The following CCDC192 variants were observed in gnomAD, a reference collection of about 807,000 sequenced individuals.
CCDC192 encodes coiled-coil domain containing 192.
chr5:127,821,092 G>T (rs1231173924), intron 5 of CCDC192, among the ~76,000 whole-genome samples: 2 of 152,114 alleles, frequency 1.3e-5, no homozygotes, highest in Non-Finnish European at 2.9e-5. Context: ...GTAACATTGA[G>T]TGATGACTAA....
At chr5:127,909,614 A>G (rs2127175146) in intron 6 of CCDC192, among the ~76,000 whole-genome samples, 1 of 152,208 alleles carries the variant, frequency 6.6e-6, no homozygotes, top group East Asian at 1.9e-4. Context: ...ATTCATTGTC[A>G]CATTGCTAGT....
intron 6 of CCDC192, among the ~76,000 whole-genome samples, chr5:127,890,005 A>G (rs1333098287): frequency 6.6e-6 from 1 of 152,024 alleles, no homozygotes; most frequent in African/African-American, 2.4e-5. Flanking sequence ...ACCTTGCCCA[A>G]TTCTGGTCTA....
chr5:127,719,294 A>T (rs929029136), intron 2 of CCDC192, among the ~76,000 whole-genome samples: 6 of 151,590 alleles, frequency 4.0e-5, no homozygotes, highest in South Asian at 2.1e-4. Flanking sequence ...TTTTCTATTC[A>T]TCCGTTGATG....
chr5:127,736,257 C>T (rs1305728215), intron 2 of CCDC192, among the ~76,000 whole-genome samples: 1 of 131,916 alleles, frequency 7.6e-6, no homozygotes, highest in Non-Finnish European at 1.6e-5. Flanking sequence ...ATTGAACCAG[C>T]CTTGCATCCC....
chr5:127,879,168 A>G (rs11505136), intron 6 of CCDC192, among the ~76,000 whole-genome samples: 1 of 152,068 alleles, frequency 6.6e-6, no homozygotes, highest in Non-Finnish European at 1.5e-5. Flanking sequence ...GAGGCATCAC[A>G]CTACCTGACT....
At chr5:127,736,965 C>A (rs1438406736) in intron 2 of CCDC192, among the ~76,000 whole-genome samples, 1 of 151,036 alleles carries the variant, frequency 6.6e-6, no homozygotes, top group East Asian at 1.9e-4. Context: ...TTCTTGCCTT[C>A]TGCTAGCTTT....
chr5:127,737,383 G>A (rs1190833513), intron 2 of CCDC192, among the ~76,000 whole-genome samples: 1 of 152,012 alleles, frequency 6.6e-6, no homozygotes, highest in Non-Finnish European at 1.5e-5. Context: ...ATGTGGTGTG[G>A]TGCTGAAAAA....
At chr5:127,912,561 C>T (rs928101474) in intron 6 of CCDC192, among the ~76,000 whole-genome samples, 1 of 152,034 alleles carries the variant, frequency 6.6e-6, no homozygotes, top group East Asian at 1.9e-4. Context: ...AGGAGAACAC[C>T]GAGCCTCTGT....
At chr5:127,736,835 T>C (rs529256853) in intron 2 of CCDC192, among the ~76,000 whole-genome samples, 2 of 150,468 alleles carry the variant, frequency 1.3e-5, no homozygotes, top group South Asian at 4.3e-4. Context: ...TCTTTATTAG[T>C]CTTGCTAGCG....
intron 5 of CCDC192, among the ~76,000 whole-genome samples, chr5:127,814,035 G>C (rs1395370568): frequency 6.6e-6 from 1 of 152,236 alleles, no homozygotes; most frequent in East Asian, 1.9e-4. Flanking sequence ...GTGGGTGCAG[G>C]GAGCCTTGGT....
At position 127,757,748 on chromosome 5, in the gene CCDC192, T is replaced by C. The variant is rs562961977; in HGVS notation, c.222+3373T>C. 4.0e-5 allele frequency among the ~76,000 whole-genome samples: 6 copies of C among 150,340 alleles called. No individual in the cohort carries two copies. The East Asian group carries it at 1.0e-3, about 26-fold the overall frequency. Reference sequence around the variant, plus strand: ...TAAGGGATTGCAGTAAGACTGTCTTTAGTGTTAAAGACAAGGATTACACAC... The same window carrying C: ...TAAGGGATTGCAGTAAGACTGTCTTCAGTGTTAAAGACAAGGATTACACAC... On this transcript the variant is annotated intron_variant, in intron 3 of 6. Transcript: ENST00000514853.
intron 5 of CCDC192, among the ~76,000 whole-genome samples, chr5:127,814,892 A>T (rs559575812): frequency 2.9e-4 from 44 of 152,324 alleles, no homozygotes; most frequent in Middle Eastern, 6.8e-3. Flanking sequence ...GTTGTTTTCA[A>T]CATCTTCAGT....
intron 5 of CCDC192, among the ~76,000 whole-genome samples, chr5:127,803,470 T>G (rs1166365510): frequency 1.3e-5 from 2 of 152,220 alleles, no homozygotes; most frequent in East Asian, 3.8e-4. Context: ...GAAATGAATG[T>G]TTATAATTAC....
intron 3 of CCDC192, among the ~76,000 whole-genome samples, chr5:127,755,284 T>C (rs1337606264): frequency 1.3e-5 from 2 of 152,212 alleles, no homozygotes; most frequent in East Asian, 1.9e-4. Flanking sequence ...CCCTGTATAG[T>C]GAAACCTAAT....
intron 3 of CCDC192, chr5:127,786,945 A>G: frequency 5.0e-6 from 2 of 398,594 alleles, no homozygotes; most frequent in South Asian, 2.5e-5. Flanking sequence ...GCTGTGCCAC[A>G]TGTACACCTG....
rs200907710 is a variant in CCDC192, at chr5:127,920,448, G to A, written c.536-20734G>A. The stretch of plus-strand genomic sequence containing the variant: ...TTTGAGATGGAGTTTTTGCTCTGTT[G>A]CCCAGGCTGGAGTGCAATGGTGCAA... On this transcript the variant is annotated intron_variant, in intron 6 of 6. Transcript: ENST00000514853. Among the ~76,000 whole-genome samples the A allele has an allele frequency of 4.0e-4, 50 of 123,634 alleles. 1 individual carries two copies. The East Asian group carries it at 0.011, about 27-fold the overall frequency. The allele number at this position is 123,634 out of a possible 152,430, so 81.1% of individuals were successfully genotyped here.
intron 6 of CCDC192, among the ~76,000 whole-genome samples, chr5:127,911,574 CAA>C (rs1753351755): frequency 6.6e-6 from 1 of 151,816 alleles, no homozygotes; most frequent in Non-Finnish European, 1.5e-5. Flanking sequence ...TATAGATATA[CAA>C]AGAGACAATT....
chr5:127,921,481 C>T (rs913395099), intron 6 of CCDC192, among the ~76,000 whole-genome samples: 41 of 152,254 alleles, frequency 2.7e-4, no homozygotes, highest in Non-Finnish European at 4.0e-4. Context: ...AGCTGTTAAA[C>T]AAGGCATAAG....
chr5:127,760,629 T>G (rs1417597258), intron 3 of CCDC192, among the ~76,000 whole-genome samples: 1 of 146,014 alleles, frequency 6.8e-6, no homozygotes, highest in Non-Finnish European at 1.5e-5. Context: ...TACAAAAAAT[T>G]CGCCGGGCAT....
Sources: allele counts gnomAD v4.1 joint callset (sites outside exome capture counted in the v4.1 genomes callset), GRCh38; gene constraint gnomAD v4.1.1; transcripts MANE v1.5; gene names NCBI Gene and HGNC (gene_info 2026-07-23, HGNC 2026-07-21).